Variants in FGF14 observed in about 807,000 individuals in gnomAD.
FGF14 encodes the protein fibroblast growth factor homologous factor 4.
A neutral mutation model predicts 25.5 loss-of-function variants in FGF14; 5 were observed. The observed-to-expected ratio is 0.20, with a 90% CI of 0.10 to 0.41. The LOEUF (loss-of-function observed/expected upper bound fraction) is 0.41. Ranked by LOEUF, FGF14 falls within the 10% of genes least tolerant of loss-of-function variation. The probability of loss-of-function intolerance (pLI) is 1.00; values close to 1 mark genes in which losing one functional copy is unlikely to be tolerated. For missense variants in FGF14, 222 were observed against 320.1 expected (o/e 0.69, Z 2.34); for synonymous variants, 138 against 118.3 (o/e 1.17, Z -1.08).
chr13:102,018,032 A>C (rs764668317), intron 1 of FGF14, among the ~76,000 whole-genome samples: 10 of 151,966 alleles, frequency 6.6e-5, no homozygotes, highest in Non-Finnish European at 1.3e-4. Flanking sequence ...TCCTATGTTA[A>C]GTCTGCTTCT....
chr13:101,736,806 T>G (rs1263260440), intron 3 of FGF14, among the ~76,000 whole-genome samples: 1 of 151,826 alleles, frequency 6.6e-6, no homozygotes, highest in East Asian at 2.0e-4. Flanking sequence ...GTACAGTTAG[T>G]AAGTGGCGAA....
intron 1 of FGF14, among the ~76,000 whole-genome samples, chr13:102,032,278 T>C (rs1362449176): frequency 6.6e-6 from 1 of 152,172 alleles, no homozygotes; most frequent in African/African-American, 2.4e-5. Flanking sequence ...AGCCTCTTCC[T>C]TCTCCCACTC....
At chr13:102,097,211 C>T (rs1014351993) in intron 1 of FGF14, among the ~76,000 whole-genome samples, 1 of 152,188 alleles carries the variant, frequency 6.6e-6, no homozygotes, top group African/African-American at 2.4e-5. Flanking sequence ...AATTGGTTAG[C>T]ATGTTGCTTT....
chr13:102,216,792 T>C (rs1172484238), intron 1 of FGF14, among the ~76,000 whole-genome samples: 1 of 152,016 alleles, frequency 6.6e-6, no homozygotes, highest in East Asian at 1.9e-4. Context: ...ATTGACCAAT[T>C]TTTCACCATC....
At chr13:102,268,099 T>C (rs539233347) in intron 1 of FGF14, among the ~76,000 whole-genome samples, 6 of 152,240 alleles carry the variant, frequency 3.9e-5, no homozygotes, top group African/African-American at 1.4e-4. Flanking sequence ...TTATTCTGAA[T>C]AGAAAAGCTG....
At chr13:102,354,624 T>C (rs1229775787) in intron 1 of FGF14, among the ~76,000 whole-genome samples, 2 of 152,192 alleles carry the variant, frequency 1.3e-5, no homozygotes, top group Admixed American at 6.5e-5. Context: ...AAGAATTTCC[T>C]TGTAGGCAAA....
chr13:102,348,704 G>A, intron 1 of FGF14, among the ~76,000 whole-genome samples: 1 of 152,080 alleles, frequency 6.6e-6, no homozygotes, highest in East Asian at 1.9e-4. Flanking sequence ...ATCCCTCTCA[G>A]CCCCACCTGG....
chr13:101,769,004 G>T (rs1351694020), intron 3 of FGF14, among the ~76,000 whole-genome samples: 1 of 152,092 alleles, frequency 6.6e-6, no homozygotes, highest in African/African-American at 2.4e-5. Flanking sequence ...CTTTGCAAAT[G>T]ACTGTCAACA....
chr13:102,114,920 G>C (rs2045397786), intron 1 of FGF14, among the ~76,000 whole-genome samples: 1 of 152,130 alleles, frequency 6.6e-6, no homozygotes, highest in South Asian at 2.1e-4. Context: ...TGTACCTATA[G>C]TCAATAATTA....
In FGF14 at chr13:102,046,768, A is replaced by G. The variant is rs567459484; in HGVS notation, c.209-171472T>C. Reference sequence around the variant, plus strand: ...GAAAAGCCCTAACATCTTTTCTACCATTAGCAAGGGATGATTTTAAAAATG... The same window carrying G: ...GAAAAGCCCTAACATCTTTTCTACCGTTAGCAAGGGATGATTTTAAAAATG... On this transcript the variant is annotated intron_variant, in intron 1 of 4. Transcript: ENST00000376131. 9.2e-5 allele frequency among the ~76,000 whole-genome samples: 14 copies of G among 152,322 alleles called. No homozygotes were observed. In the South Asian group the frequency reaches 2.9e-3, roughly 32 times the overall value.
chr13:102,078,988 G>A (rs2043493749), intron 1 of FGF14, among the ~76,000 whole-genome samples: 1 of 152,166 alleles, frequency 6.6e-6, no homozygotes, highest in South Asian at 2.1e-4. Flanking sequence ...ATATAGAAAT[G>A]GTCAGGAAGA....
intron 3 of FGF14, among the ~76,000 whole-genome samples, chr13:101,800,678 TGAA>T (rs1014842771): frequency 1.4e-4 from 21 of 152,214 alleles, no homozygotes; most frequent in African/African-American, 4.3e-4. Context: ...CATATTTTGT[TGAA>T]GGAGACAGAT....
chr13:101,947,235 G>A (rs545740198), intron 1 of FGF14, among the ~76,000 whole-genome samples: 38 of 152,154 alleles, frequency 2.5e-4, no homozygotes, highest in Non-Finnish European at 4.4e-4. Context: ...CTGTTGGTGG[G>A]AATATAAATT....
chr13:101,956,324 G>A (rs60217745), intron 1 of FGF14, among the ~76,000 whole-genome samples: 34,113 of 151,952 alleles, frequency 0.22, 4,080 homozygotes, highest in Admixed American at 0.34. Context: ...TTGACATTGC[G>A]TATTATCATG....
intron 1 of FGF14, among the ~76,000 whole-genome samples, chr13:102,398,897 AAT>A (rs35865466): frequency 6.8e-6 from 1 of 147,262 alleles, no homozygotes. Context: ...TATAATATAT[AAT>A]ATATATATAT....
chr13:102,161,595 G>GA (rs1468301766), intron 1 of FGF14, among the ~76,000 whole-genome samples: 5 of 2,190 alleles, frequency 2.3e-3, no homozygotes, highest in Non-Finnish European at 2.8e-3. Flanking sequence ...AGAAGAAGAA[G>GA]AAGAAGAAGA....
chr13:101,943,962 T>C (rs1200553276), intron 1 of FGF14, among the ~76,000 whole-genome samples: 3 of 146,298 alleles, frequency 2.1e-5, no homozygotes, highest in Non-Finnish European at 3.0e-5. Context: ...GATAGCACCA[T>C]TGCACTCCAG....
chr13:102,031,399 C>A (rs1455688406), intron 1 of FGF14, among the ~76,000 whole-genome samples: 1 of 152,030 alleles, frequency 6.6e-6, no homozygotes, highest in Admixed American at 6.6e-5. Flanking sequence ...CTCAAAAATG[C>A]TAAATTATTT....
At chr13:102,318,990 A>G (rs968172766) in intron 1 of FGF14, among the ~76,000 whole-genome samples, 7 of 152,182 alleles carry the variant, frequency 4.6e-5, no homozygotes, top group South Asian at 4.1e-4. Context: ...CATGATCACC[A>G]TTGAGCATTG....
Sources: allele counts gnomAD v4.1 joint callset (sites outside exome capture counted in the v4.1 genomes callset), GRCh38; gene constraint gnomAD v4.1.1; transcripts MANE v1.5; gene names NCBI Gene and HGNC (gene_info 2026-07-23, HGNC 2026-07-21).